The following SCAF11 variants were observed in gnomAD, a reference collection of about 807,000 sequenced individuals.
SCAF11 encodes SR-related CTD associated factor 11.
A neutral mutation model predicts 140.5 loss-of-function variants in SCAF11; 47 were observed. The ratio of observed to expected loss-of-function variants is 0.33; its 90% CI spans 0.26 to 0.43. The LOEUF is 0.43. Among genes scored for constraint, SCAF11 ranks in the 20% least tolerant of loss-of-function variants. The probability of loss-of-function intolerance (pLI) is 1.00; values close to 1 mark genes in which losing one functional copy is unlikely to be tolerated. For missense variants in SCAF11, 1,645 were observed against 1,705.1 expected (o/e 0.96, Z 0.62); for synonymous variants, 557 against 579.4 (o/e 0.96, Z 0.55).
chr12:45,935,656 T>C (rs2136532817), intron 6 of SCAF11, among the ~76,000 whole-genome samples: 1 of 152,308 alleles, frequency 6.6e-6, no homozygotes, highest in Middle Eastern at 3.4e-3. Flanking sequence ...GTATGTAGTG[T>C]TTACATAGCA....
intron 1 of SCAF11, among the ~76,000 whole-genome samples, chr12:45,980,398 C>G (rs1946323077): frequency 6.6e-6 from 1 of 152,154 alleles, no homozygotes; most frequent in African/African-American, 2.4e-5. Flanking sequence ...TGTTATTTGT[C>G]AGGCATGATT....
Position 45,927,657 on chromosome 12 carries a change from C to G in SCAF11, c.2044G>C (p.Glu682Gln). 1 of 1,611,956 alleles carries G rather than the reference C, an allele frequency of 6.2e-7. No homozygotes were observed. The change falls in exon 11 of 15, where the codon GAA becomes CAA. Residue 682 changes from glutamate (E) to glutamine (Q), a missense_variant. Glu to Gln is a conservative substitution (Grantham distance 29). Coordinates refer to ENST00000369367, the MANE Select transcript of SCAF11 (RefSeq NM_004719.3). Reference protein sequence around the residue: ...LLNTKLEKSLEEKNESLTEHP... With the variant: ...LLNTKLEKSLQEKNESLTEHP... ...TCGGTCAGCGATTCATTCTTTTCTT[C>G]TAAAGATTTTTCCAATTTGGTGTTC...
intron 1 of SCAF11, among the ~76,000 whole-genome samples, chr12:45,973,427 A>G (rs1946160679): frequency 6.6e-6 from 1 of 152,098 alleles, no homozygotes; most frequent in African/African-American, 2.4e-5. Flanking sequence ...AGAAGAAGAA[A>G]TAATGGGTGG....
intron 1 of SCAF11, among the ~76,000 whole-genome samples, chr12:45,972,865 G>GAT (rs200069087): frequency 3.2e-4 from 27 of 83,622 alleles, no homozygotes; most frequent in South Asian, 1.4e-3. Flanking sequence ...TATATATATC[G>GAT]ATATATATAT....
At chr12:45,945,444 G>A (rs1195887766) in intron 5 of SCAF11, 131 bp from the exon 6 acceptor site, 1 of 595,682 alleles carries the variant, frequency 1.7e-6, no homozygotes, top group African/African-American at 1.9e-5. Flanking sequence ...GCTGAAATCT[G>A]GTAAATGGTT....
chr12:45,935,482 C>G (rs1056065820), intron 6 of SCAF11, among the ~76,000 whole-genome samples: 19 of 152,016 alleles, frequency 1.2e-4, no homozygotes, highest in African/African-American at 4.3e-4. Context: ...GCTTAAGAGG[C>G]AAGAAGTAAA....
chr12:45,972,947 TATAG>T (rs1307046047), intron 1 of SCAF11, among the ~76,000 whole-genome samples: 12 of 121,442 alleles, frequency 9.9e-5, no homozygotes, highest in African/African-American at 5.0e-4. Flanking sequence ...TAGATATATA[TATAG>T]ATATATAGAT....
rs139696403 is a variant in SCAF11 at position 45,968,759 on chromosome 12, G to A, written c.-21-4571C>T. On this transcript the variant is annotated intron_variant, in intron 1 of 14. Coordinates refer to ENST00000369367, the MANE Select transcript of SCAF11 (RefSeq NM_004719.3). The stretch of plus-strand genomic sequence containing the variant: ...AGGTTGAGACTAGCCTGACCAACAC[G>A]GTGAAACCCCGTCGCTACTAAAAAT... 4.1e-3 allele frequency among the ~76,000 whole-genome samples: 630 copies of A among 152,146 alleles called. 6 individuals are homozygous for A. Among genetic ancestry groups the A allele is most frequent in the African/African-American group, 0.013 (548 of 41,480 alleles).
intron 1 of SCAF11, among the ~76,000 whole-genome samples, chr12:45,981,714 G>T (rs1464669335): frequency 1.3e-5 from 2 of 152,140 alleles, no homozygotes; most frequent in Admixed American, 1.3e-4. Flanking sequence ...AGGATTACTT[G>T]AGCCCAGGAG....
At chr12:45,990,591 G>C, upstream of SCAF11, 1 of 1,229,354 alleles carries the variant, frequency 8.1e-7, no homozygotes, top group Non-Finnish European at 1.0e-6. Flanking sequence ...CCCCCGCCTT[G>C]TCTAGCCTCC....
intron 1 of SCAF11, among the ~76,000 whole-genome samples, chr12:45,973,005 T>TAG (rs1235036313): frequency 6.9e-6 from 1 of 144,404 alleles, no homozygotes; most frequent in African/African-American, 2.6e-5. Flanking sequence ...TATATAGATA[T>TAG]ATATATAGAT....
At chr12:45,956,965 T>C (rs1040023122) in intron 3 of SCAF11, among the ~76,000 whole-genome samples, 9 of 152,166 alleles carry the variant, frequency 5.9e-5, no homozygotes, top group South Asian at 2.1e-4. Context: ...AGGGTGAAAA[T>C]AGTGGTGGAT....
rs1945558101 is a variant in SCAF11 at position 45,951,864 on chromosome 12, T to C, written c.220-137A>G. The C allele has an allele frequency of 8.9e-6, 5 of 562,030 alleles. No homozygotes were observed. The South Asian group carries it at 1.5e-4, about 17-fold the overall frequency. 34.8% of individuals were successfully genotyped at this position (562,030 alleles called of 1,614,324 possible). A position where few individuals can be genotyped will look rare whatever the true frequency, so the allele number is the denominator to read the frequency against. On this transcript the variant is annotated intron_variant, in intron 3 of 14. Coordinates refer to ENST00000369367, the MANE Select transcript of SCAF11 (RefSeq NM_004719.3). ...AAAATATTTTTATACCTTAAATTTG[T>C]TTCATTCATTCAAACATTTACTGAA...
chr12:45,984,224 A>T (rs574316404), intron 1 of SCAF11, among the ~76,000 whole-genome samples: 2 of 152,078 alleles, frequency 1.3e-5, no homozygotes, highest in African/African-American at 4.8e-5. Flanking sequence ...GACTTTCATG[A>T]CCTTGTTTGT....
chr12:45,961,472 T>TAAA, intron 3 of SCAF11: 1 of 581,554 alleles, frequency 1.7e-6, no homozygotes, highest in Non-Finnish European at 3.1e-6. Flanking sequence ...ATAAGGTTAT[T>TAAA]AACTTTTTTT....
rs1946568487 is a variant in SCAF11, at chr12:45,990,376, G to C, written c.-45C>G. ...ACCTCAGACCGAGGTCGAGGCGCTCGGTCCGGCCGCGGCCCCACAGTAGGT... is the reference window on the plus strand; with the variant it reads ...ACCTCAGACCGAGGTCGAGGCGCTCCGTCCGGCCGCGGCCCCACAGTAGGT... On this transcript the variant is annotated 5_prime_UTR_variant, in exon 1 of 15. Coordinates refer to ENST00000369367, the MANE Select transcript of SCAF11 (RefSeq NM_004719.3). 3 of 1,232,058 alleles carry C rather than the reference G, an allele frequency of 2.4e-6. No individual in the cohort carries two copies. Among genetic ancestry groups the C allele is most frequent in the Admixed American group, 4.2e-5 (1 of 23,700 alleles). 76.3% of individuals were successfully genotyped at this position (1,232,058 alleles called of 1,614,324 possible). A position where few individuals can be genotyped will look rare whatever the true frequency, so the allele number is the denominator to read the frequency against.
intron 1 of SCAF11, chr12:45,974,108 T>G: frequency 4.5e-6 from 2 of 442,204 alleles, no homozygotes; most frequent in Non-Finnish European, 9.3e-6. Context: ...TTTCCTAGTA[T>G]ATATGTTTAT....
intron 5 of SCAF11, among the ~76,000 whole-genome samples, chr12:45,945,539 T>C (rs899415431): frequency 6.7e-6 from 1 of 148,786 alleles, no homozygotes; most frequent in African/African-American, 2.5e-5. Flanking sequence ...TCTCAGTCTT[T>C]TTTTTTTTTT....
chr12:45,924,779 T>A lies in SCAF11; in HGVS notation c.3855A>T (p.Pro1285=), dbSNP rs751833329. Residue 1285 remains proline, a synonymous_variant, in exon 12 of 15, where the codon CCA becomes CCT. Coordinates refer to ENST00000369367, the MANE Select transcript of SCAF11 (RefSeq NM_004719.3). ...GLPPPPPPPP[P]SQQVNYIASQ... ...AAGCAATGTAGTTGACTTGTTGGGA[T>A]GGTGGGGGAGGGGGTGGTGGTGGTG... 2 of 997,898 alleles carry A rather than the reference T, an allele frequency of 2.0e-6. No homozygotes were observed. Among genetic ancestry groups the A allele is most frequent in the South Asian group, 2.5e-5 (2 of 79,402 alleles). The allele number at this position is 997,898 out of a possible 1,614,324, so 61.8% of individuals were successfully genotyped here. A position where few individuals can be genotyped will look rare whatever the true frequency, so the allele number is the denominator to read the frequency against.
Sources: allele counts gnomAD v4.1 joint callset (sites outside exome capture counted in the v4.1 genomes callset), GRCh38; gene constraint gnomAD v4.1.1; transcripts MANE v1.5; gene names NCBI Gene and HGNC (gene_info 2026-07-23, HGNC 2026-07-21).